KIF17: variants seen among roughly 807,000 people sequenced by gnomAD.
KIF17 encodes kinesin-like protein KIF17.
In KIF17, 80 loss-of-function variants were observed where a neutral mutation model predicts 96.8. That is an observed-to-expected ratio of 0.83 (90% CI 0.69 to 1.00). The LOEUF (loss-of-function observed/expected upper bound fraction) is 1.00, where lower values mean the gene tolerates loss of function less well. KIF17 is among the 50% of genes least tolerant of loss of function. KIF17 has a pLI of 0.00. For synonymous variants in KIF17, 567 were observed against 587.5 expected, an observed-to-expected ratio of 0.97 and a Z score of 0.51; for missense variants, 1,280 against 1,372.9, an observed-to-expected ratio of 0.93 and a Z score of 1.07.
At chr1:20,706,136 C>T (rs867020931) in intron 4 of KIF17, among the ~76,000 whole-genome samples, 2 of 151,186 alleles carry the variant, frequency 1.3e-5, no homozygotes, top group South Asian at 2.1e-4. Flanking sequence ...GAACTGCTGG[C>T]CTCAAGTGAT....
intron 8 of KIF17, among the ~76,000 whole-genome samples, chr1:20,686,606 A>G (rs2053943422): frequency 6.6e-6 from 1 of 152,052 alleles, no homozygotes; most frequent in Non-Finnish European, 1.5e-5. Context: ...CCCAGGCTGG[A>G]GCACAGTGGT....
At chr1:20,669,043 C>T (rs921658526) in intron 13 of KIF17, among the ~76,000 whole-genome samples, 1 of 151,944 alleles carries the variant, frequency 6.6e-6, no homozygotes, top group Non-Finnish European at 1.5e-5. Flanking sequence ...CTCTGGTGGC[C>T]CTGCCTAGCC....
downstream of KIF17, among the ~76,000 whole-genome samples, chr1:20,663,850 G>A (rs549290528): frequency 2.6e-5 from 4 of 152,142 alleles, no homozygotes; most frequent in Non-Finnish European, 4.4e-5. Context: ...AAATTCAGAC[G>A]CTCTTCCCAG....
chr1:20,714,006 G>A (rs1202454181), intron 2 of KIF17, among the ~76,000 whole-genome samples: 1 of 152,014 alleles, frequency 6.6e-6, no homozygotes, highest in Non-Finnish European at 1.5e-5. Context: ...GACCAACAAG[G>A]TGAAACCCCC....
chr1:20,712,606 A>ATATATAATATAGATAATATC (rs1557606332), intron 3 of KIF17, among the ~76,000 whole-genome samples: 2 of 11,492 alleles, frequency 1.7e-4, no homozygotes, highest in Non-Finnish European at 5.3e-4. Context: ...ATATATATCT[A>ATATATAATATAGATAATATC]TATATATATA....
At chr1:20,711,759 C>T (rs573981924) in intron 3 of KIF17, among the ~76,000 whole-genome samples, 13 of 152,144 alleles carry the variant, frequency 8.5e-5, no homozygotes, top group Admixed American at 2.0e-4. Flanking sequence ...ATTACAACCA[C>T]GATCGGGCCT....
chr1:20,712,602 ATCTAT>A (rs2054464710), intron 3 of KIF17, among the ~76,000 whole-genome samples: 2 of 18,518 alleles, frequency 1.1e-4, no homozygotes, highest in African/African-American at 2.8e-4. Flanking sequence ...ATCTATATAT[ATCTAT>A]ATATATATAA....
At position 20,684,779 on chromosome 1, in the gene KIF17, G is replaced by T. The variant is rs565624281; in HGVS notation, c.2231+30C>A. ...CAGCCCCTTCCCACCTCACCGTGGG[G>T]TCCCGCCAGCCCCATGCTCTGCTGC... On this transcript the variant is annotated intron_variant, in intron 10 of 14. Transcript: ENST00000400463. 2.0e-3 allele frequency: 3,020 copies of T among 1,523,284 alleles called. 41 individuals are homozygous for T. The African/African-American group carries it at 0.035, about 18-fold the overall frequency. The allele number at this position is 1,523,284 out of a possible 1,614,324, so 94.4% of individuals were successfully genotyped here. A position where few individuals can be genotyped will look rare whatever the true frequency, so the allele number is the denominator to read the frequency against.
At position 20,669,670 on chromosome 1, in the gene KIF17, G is replaced by A. The variant is rs182653518; in HGVS notation, c.2790+751C>T. 5.9e-4 allele frequency among the ~76,000 whole-genome samples: 88 copies of A among 149,526 alleles called. 1 individual carries two copies. Among genetic ancestry groups the A allele is most frequent in the African/African-American group, 2.1e-3 (85 of 41,038 alleles). On this transcript the variant is annotated intron_variant, in intron 13 of 14. Transcript: ENST00000400463. The stretch of plus-strand genomic sequence containing the variant: ...AGGAGGATCACAAGGTCAAGAGATC[G>A]AGACCATCCTGGCCAACCCGGTGAA...
At position 20,682,807 on chromosome 1, in the gene KIF17, CG is replaced by C; in HGVS notation, c.2308del (p.Arg770AlafsTer98). 6.2e-7 allele frequency: 1 copy of C among 1,612,670 alleles called. No individual in the cohort carries two copies. The highest frequency in any genetic ancestry group is 8.5e-7 in the Non-Finnish European group (1 of 1,180,030). On this transcript the variant is annotated frameshift_variant, in exon 11 of 15. Coordinates refer to ENST00000400463, the MANE Select transcript of KIF17 (RefSeq NM_001122819.3). LOFTEE classifies it high-confidence loss of function. ...CCTGCGCTCGTCTGCGTAGCGCTTG[CG>C]CCGCTTGTGCTTCTCCTTCAGGTCC... ...NKDLKEKHKR[R>X]KRYADERRKQ...
intron 12 of KIF17, among the ~76,000 whole-genome samples, chr1:20,670,909 C>T (rs962522684): frequency 6.6e-6 from 1 of 152,172 alleles, no homozygotes; most frequent in Admixed American, 6.5e-5. Context: ...AGAGTCAGGT[C>T]CACGGCTGGA....
At chr1:20,695,603 C>T (rs1258046496) in intron 6 of KIF17, among the ~76,000 whole-genome samples, 1 of 152,148 alleles carries the variant, frequency 6.6e-6, no homozygotes, top group African/African-American at 2.4e-5. Context: ...TCCTCTCCCC[C>T]CACATCCCCT....
Position 20,709,778 on chromosome 1 carries a change from G to A in KIF17, c.531C>T (p.His177=). 1 of 1,614,094 alleles carries A rather than the reference G, an allele frequency of 6.2e-7. No homozygotes were observed. The change falls in exon 4 of 15, where the codon CAC becomes CAT. Residue 177 remains histidine (H), a synonymous_variant. Transcript: ENST00000400463. This position sits in a 1 kb window ranked among gnomAD's most constrained non-coding sequence, Gnocchi z 4.7. ...CACACTGGGCCACGCTGTGCACCGT[G>A]TGCATGGACAGCCCCTTCACGTACA... ...KGVYVKGLSM[H]TVHSVAQCEH...
At chr1:20,717,436 TGCCCTGCCG>T (rs2054598139) in intron 1 of KIF17, 31 bp downstream of exon 1, 1 of 1,604,812 alleles carries the variant, frequency 6.2e-7, no homozygotes, top group Non-Finnish European at 8.5e-7. Flanking sequence ...GGCGGCCTCA[TGCCCTGCCG>T]CCTGCAGGGC....
At chr1:20,675,161 A>C (rs113938686) in intron 11 of KIF17, among the ~76,000 whole-genome samples, 76 of 147,184 alleles carry the variant, frequency 5.2e-4, no homozygotes, top group Middle Eastern at 3.8e-3. Context: ...AAAAAAAAAA[A>C]AAAGGGCCGG....
intron 11 of KIF17, among the ~76,000 whole-genome samples, chr1:20,681,900 G>A (rs2053836091): frequency 1.3e-5 from 2 of 152,172 alleles, no homozygotes; most frequent in Admixed American, 1.3e-4. Context: ...CAGTCTGGGT[G>A]CTCGTTTCAT....
chr1:20,670,712 G>C (rs2053633257), intron 12 of KIF17, among the ~76,000 whole-genome samples: 1 of 152,196 alleles, frequency 6.6e-6, no homozygotes, highest in African/African-American at 2.4e-5. Flanking sequence ...GGGGCTTCCA[G>C]GCAAGACAGC....
chr1:20,694,981 C>T (rs540658420), intron 6 of KIF17, among the ~76,000 whole-genome samples: 5 of 152,308 alleles, frequency 3.3e-5, no homozygotes, highest in South Asian at 2.1e-4. Context: ...CTTAGCAATA[C>T]GTGGATGGAA....
At position 20,700,198 on chromosome 1, in the gene KIF17, G is replaced by A. The variant is rs1029010717; in HGVS notation, c.1124-1710C>T. On this transcript the variant is annotated intron_variant, in intron 5 of 14. Transcript: ENST00000400463. This position sits in a 1 kb window ranked among gnomAD's most constrained non-coding sequence, Gnocchi z 4.6. ...TGATTCTCCTGCCTCAGCCTCCCGA[G>A]TAGCTGCGACTACAGGTGTGCGCCA... Among the ~76,000 whole-genome samples, 4 of 152,116 alleles carry A rather than the reference G, an allele frequency of 2.6e-5. No homozygotes were observed. Among genetic ancestry groups the A allele is most frequent in the Non-Finnish European group, 5.9e-5 (4 of 68,034 alleles).
Sources: allele counts gnomAD v4.1 joint callset (sites outside exome capture counted in the v4.1 genomes callset), GRCh38; gene constraint gnomAD v4.1.1; non-coding constraint Gnocchi (gnomAD v3.1); transcripts MANE v1.5; gene names NCBI Gene and HGNC (gene_info 2026-07-23, HGNC 2026-07-21).